The following MYOM1 variants were observed in gnomAD, a reference collection of about 807,000 sequenced individuals.
MYOM1 encodes myomesin-1.
A neutral mutation model predicts 205.3 loss-of-function variants in MYOM1; 164 were observed. The ratio of observed to expected loss-of-function variants is 0.80; its 90% confidence interval spans 0.70 to 0.91. The LOEUF (loss-of-function observed/expected upper bound fraction) is 0.91. Ranked by LOEUF, MYOM1 falls within the 40% of genes least tolerant of loss-of-function variation. The probability of loss-of-function intolerance (pLI) is 0.00; values close to 1 mark genes in which losing one functional copy is unlikely to be tolerated. For synonymous variants in MYOM1, 772 were observed against 789.4 expected (o/e 0.98, Z 0.37); for missense variants, 2,011 against 2,127.3 (o/e 0.95, Z 1.08).
chr18:3,080,549 C>T (rs2143665827), intron 33 of MYOM1, among the ~76,000 whole-genome samples: 1 of 151,656 alleles, frequency 6.6e-6, no homozygotes. Context: ...TGGCATGTGC[C>T]TGTAGTCCCA....
At chr18:3,114,421 G>A (rs11081010) in intron 21 of MYOM1, among the ~76,000 whole-genome samples, 128,903 of 150,312 alleles carry the variant, frequency 0.86, 55,728 homozygotes, top group East Asian at 0.97. Flanking sequence ...TCTGTTGCCC[G>A]GGCTGGAGTG....
At chr18:3,137,918 C>A (rs1473832079) in intron 14 of MYOM1, among the ~76,000 whole-genome samples, 1 of 151,812 alleles carries the variant, frequency 6.6e-6, no homozygotes, top group South Asian at 2.1e-4. Context: ...TTCAGTGTAC[C>A]CTGTAAATAT....
intron 37 of MYOM1, among the ~76,000 whole-genome samples, chr18:3,068,400 C>A (rs895699339): frequency 1.8e-4 from 27 of 151,828 alleles, no homozygotes; most frequent in African/African-American, 6.5e-4. Context: ...AATCCACCGA[C>A]CTTATTTAGA....
chr18:3,169,948 G>A (rs1336783792), intron 8 of MYOM1, among the ~76,000 whole-genome samples: 1 of 152,060 alleles, frequency 6.6e-6, no homozygotes, highest in East Asian at 1.9e-4. Flanking sequence ...TATACTCAAT[G>A]GAATGTTATT....
intron 9 of MYOM1, among the ~76,000 whole-genome samples, chr18:3,165,438 T>A (rs1006832527): frequency 2.6e-5 from 4 of 151,972 alleles, no homozygotes; most frequent in Non-Finnish European, 5.9e-5. Context: ...ATTTTAAAAC[T>A]GTCTTCCTTG....
the MYOM1 span, among the ~76,000 whole-genome samples, chr18:3,226,949 T>C: frequency 1.5e-3 from 234 of 152,262 alleles, 1 homozygote; most frequent in African/African-American, 5.3e-3. The surrounding 1 kb of genome is among the most constrained non-coding windows in gnomAD (Gnocchi z 4.6). Flanking sequence ...TTAACCTGCG[T>C]GTGAGGCTCA....
chr18:3,155,133 G>A lies in MYOM1; in HGVS notation c.1502-45C>T, dbSNP rs763446203. ...TCCCATTAACCCTCTCAGACATGCT[G>A]TCAGTCGGCAGGCAGGTCTCAGCGC... On this transcript the variant is annotated intron_variant, in intron 10 of 37. Transcript: ENST00000356443. 7.7e-6 allele frequency: 12 copies of A among 1,553,716 alleles called. No individual in the cohort carries two copies. In the Admixed American group the frequency reaches 2.3e-4, roughly 29 times the overall value.
At chr18:3,082,525 GA>G (rs976215646) in intron 33 of MYOM1, among the ~76,000 whole-genome samples, 124 of 152,252 alleles carry the variant, frequency 8.1e-4, no homozygotes, top group African/African-American at 2.8e-3. Flanking sequence ...ACAGTGTAAG[GA>G]AACTTATTAT....
At chr18:3,155,837 C>T (rs2080294130) in intron 10 of MYOM1, among the ~76,000 whole-genome samples, 1 of 152,190 alleles carries the variant, frequency 6.6e-6, no homozygotes, top group Admixed American at 6.5e-5. Flanking sequence ...AGTCATAGAG[C>T]TTTGCCAGTC....
chr18:3,155,418 G>C (rs557453451), intron 10 of MYOM1, among the ~76,000 whole-genome samples: 43 of 152,170 alleles, frequency 2.8e-4, no homozygotes, highest in Non-Finnish European at 5.9e-4. Flanking sequence ...TAGAGATGGG[G>C]TTTCACCGTG....
chr18:3,094,992 A>G (rs937542347), intron 25 of MYOM1, among the ~76,000 whole-genome samples: 5 of 152,056 alleles, frequency 3.3e-5, no homozygotes, highest in Non-Finnish European at 5.9e-5. Flanking sequence ...GAAGCTTCCT[A>G]AACTTATGTC....
At position 3,089,576 on chromosome 18, in the gene MYOM1, C is replaced by T. The variant is rs2079195366; in HGVS notation, c.4030G>A (p.Glu1344Lys). 6.2e-7 allele frequency: 1 copy of T among 1,608,240 alleles called. No individual in the cohort carries two copies. The highest frequency in any genetic ancestry group is 1.1e-5 in the South Asian group (1 of 90,092). Residue 1344 changes from glutamate (E) to lysine (K), a missense_variant, in exon 28 of 38, where the codon GAA (glutamate) becomes AAA (lysine). Coordinates refer to ENST00000356443, the MANE Select transcript of MYOM1 (RefSeq NM_003803.4). ...CATTCTTGCCGCTGGAATTCAGCTT[C>T]TTTCTGGAGCTTTTTGAAAACTACA... is the stretch of plus-strand genomic sequence containing the variant. ...VGDVFKKLQK[E>K]AEFQRQEWIR...
chr18:3,075,932 G>A (rs2079017084), intron 34 of MYOM1, among the ~76,000 whole-genome samples, 171 bp from the exon 35 acceptor site: 1 of 152,140 alleles, frequency 6.6e-6, no homozygotes. Context: ...ACTTAACAAG[G>A]CCAGGAAATA....
rs768396829 is a variant in MYOM1 at position 3,067,627 on chromosome 18, G to A, written c.4765-72C>T. On this transcript the variant is annotated intron_variant, in intron 37 of 37. Coordinates refer to ENST00000356443, the MANE Select transcript of MYOM1 (RefSeq NM_003803.4). ...TAGACACACTGTCAACAATCTTGCC[G>A]GCTGGTGGCTTGGCATGACCAAAGG... 171 of 1,518,648 alleles carry A rather than the reference G, an allele frequency of 1.1e-4. 1 individual carries two copies. Among genetic ancestry groups the A allele is most frequent in the Admixed American group, 2.3e-4 (12 of 52,194 alleles). The allele number at this position is 1,518,648 out of a possible 1,614,324, so 94.1% of individuals were successfully genotyped here. A position where few individuals can be genotyped will look rare whatever the true frequency, so the allele number is the denominator to read the frequency against.
chr18:3,216,581 T>C (rs1285273164), intron 1 of MYOM1, among the ~76,000 whole-genome samples: 3 of 152,158 alleles, frequency 2.0e-5, no homozygotes, highest in Non-Finnish European at 4.4e-5. Context: ...AACATGACTA[T>C]TGTGCTCCAG....
intron 29 of MYOM1, among the ~76,000 whole-genome samples, 168 bp downstream of exon 29, chr18:3,089,006 T>C (rs935649496): frequency 2.0e-5 from 3 of 152,254 alleles, no homozygotes; most frequent in Non-Finnish European, 4.4e-5. Context: ...TGTCATTTTA[T>C]TTTAAATCTT....
At chr18:3,191,580 CA>C (rs1222576008) in intron 3 of MYOM1, among the ~76,000 whole-genome samples, 1 of 152,094 alleles carries the variant, frequency 6.6e-6, no homozygotes, top group African/African-American at 2.4e-5. Flanking sequence ...TTAATACTGC[CA>C]AAACCACTGT....
intron 11 of MYOM1, among the ~76,000 whole-genome samples, chr18:3,154,548 C>T (rs9954726): frequency 0.25 from 38,425 of 151,484 alleles, 5,142 homozygotes; most frequent in Middle Eastern, 0.31. Flanking sequence ...GTGACCCACT[C>T]CATCTGCAGG....
intron 2 of MYOM1, among the ~76,000 whole-genome samples, chr18:3,203,623 C>T (rs560067474): frequency 2.0e-5 from 3 of 151,744 alleles, no homozygotes; most frequent in Non-Finnish European, 3.0e-5. Context: ...AAGTAAAGAA[C>T]TCGAATTGGT....
Sources: allele counts gnomAD v4.1 joint callset (sites outside exome capture counted in the v4.1 genomes callset), GRCh38; gene constraint gnomAD v4.1.1; non-coding constraint Gnocchi (gnomAD v3.1); transcripts MANE v1.5; gene names NCBI Gene and HGNC (gene_info 2026-07-23, HGNC 2026-07-21).